The following CNTNAP2 variants were observed in gnomAD, a reference collection of about 807,000 sequenced individuals.
CNTNAP2 encodes the protein contactin associated protein 2, also known as contactin-associated protein-like 2.
A neutral mutation model predicts 155.2 loss-of-function variants in CNTNAP2; 98 were observed. The ratio of observed to expected loss-of-function variants is 0.63; its 90% CI spans 0.54 to 0.75. The LOEUF (loss-of-function observed/expected upper bound fraction) is 0.75, where lower values mean the gene tolerates loss of function less well. CNTNAP2 is among the 30% of genes least tolerant of loss of function. The pLI, the probability that CNTNAP2 is intolerant of heterozygous loss-of-function variation, is 0.00. For synonymous variants in CNTNAP2, 651 were observed against 631.2 expected, an observed-to-expected ratio of 1.03 and a Z score of -0.47; for missense variants, 1,727 against 1,688.1, an observed-to-expected ratio of 1.02 and a Z score of -0.40.
At chr7:147,718,669 AC>A (rs1452700546) in intron 13 of CNTNAP2, among the ~76,000 whole-genome samples, 2 of 152,140 alleles carry the variant, frequency 1.3e-5, no homozygotes, top group Admixed American at 1.3e-4. Context: ...TATCCTGGGT[AC>A]CATGTAAATG....
At chr7:146,430,565 A>G (rs1796160061) in intron 1 of CNTNAP2, among the ~76,000 whole-genome samples, 1 of 152,020 alleles carries the variant, frequency 6.6e-6, no homozygotes, top group Non-Finnish European at 1.5e-5. Flanking sequence ...GTGGTGTTAT[A>G]TAATGTACTC....
intron 3 of CNTNAP2, among the ~76,000 whole-genome samples, chr7:146,907,870 G>A (rs1050841472): frequency 6.6e-6 from 1 of 152,282 alleles, no homozygotes; most frequent in African/African-American, 2.4e-5. Context: ...TGGATAAAGA[G>A]TCAAGACCCA....
At chr7:148,043,444 A>G (rs1802713587) in intron 15 of CNTNAP2, among the ~76,000 whole-genome samples, 1 of 152,204 alleles carries the variant, frequency 6.6e-6, no homozygotes, top group Non-Finnish European at 1.5e-5. Flanking sequence ...TGCTCCTCAT[A>G]CAGCACTGGC....
At chr7:146,710,543 T>A (rs1205057986) in intron 1 of CNTNAP2, among the ~76,000 whole-genome samples, 3 of 152,200 alleles carry the variant, frequency 2.0e-5, no homozygotes, top group Non-Finnish European at 4.4e-5. Flanking sequence ...CTCATTAGTT[T>A]TATTTCACTT....
At chr7:148,308,525 A>AT (rs1271963432) in intron 21 of CNTNAP2, among the ~76,000 whole-genome samples, 2 of 150,610 alleles carry the variant, frequency 1.3e-5, no homozygotes, top group African/African-American at 4.9e-5. Flanking sequence ...CCTAGATTTT[A>AT]TTTTTTTCCA....
intron 2 of CNTNAP2, among the ~76,000 whole-genome samples, chr7:146,812,652 G>A (rs186635048): frequency 2.9e-3 from 446 of 152,084 alleles, no homozygotes; most frequent in African/African-American, 9.9e-3. Context: ...AGAAAAACCC[G>A]TTTTCCAGGG....
At chr7:147,130,471 A>G (rs1353573204) in intron 7 of CNTNAP2, among the ~76,000 whole-genome samples, 2 of 152,104 alleles carry the variant, frequency 1.3e-5, no homozygotes, top group Non-Finnish European at 2.9e-5. Context: ...AAAAGAATAA[A>G]AAAAGATTAT....
At chr7:146,946,268 T>C (rs1797171507) in intron 3 of CNTNAP2, among the ~76,000 whole-genome samples, 1 of 152,152 alleles carries the variant, frequency 6.6e-6, no homozygotes, top group Non-Finnish European at 1.5e-5. Context: ...TAAGGAAGCC[T>C]CGGAAAAGCT....
At chr7:146,299,854 G>C (rs140807942) in intron 1 of CNTNAP2, among the ~76,000 whole-genome samples, 1 of 152,282 alleles carries the variant, frequency 6.6e-6, no homozygotes, top group African/African-American at 2.4e-5. Context: ...GAAGGTAGGT[G>C]TAAGATTATA....
At chr7:146,587,033 ATT>A (rs34866879) in intron 1 of CNTNAP2, among the ~76,000 whole-genome samples, 8,055 of 148,462 alleles carry the variant, frequency 0.054, 554 homozygotes, top group African/African-American at 0.16. Flanking sequence ...GCATTGTTTT[ATT>A]TTTTTTTTTT....
intron 13 of CNTNAP2, among the ~76,000 whole-genome samples, chr7:147,833,792 G>A (rs928395170): frequency 1.3e-5 from 2 of 152,186 alleles, no homozygotes; most frequent in African/African-American, 2.4e-5. Flanking sequence ...GTTAGGCAAG[G>A]GGTTCTGGGA....
intron 12 of CNTNAP2, among the ~76,000 whole-genome samples, chr7:147,606,493 G>C (rs893077119): frequency 6.6e-6 from 1 of 152,004 alleles, no homozygotes; most frequent in Admixed American, 6.6e-5. Context: ...TGTCTATTTG[G>C]GTTTCAGGTG....
At chr7:147,428,383 A>G (rs1336571462) in intron 10 of CNTNAP2, among the ~76,000 whole-genome samples, 3 of 152,102 alleles carry the variant, frequency 2.0e-5, no homozygotes, top group Non-Finnish European at 4.4e-5. Flanking sequence ...TTTTTCATCT[A>G]GACAGTGTAA....
intron 9 of CNTNAP2, among the ~76,000 whole-genome samples, chr7:147,310,038 C>T (rs6959535): frequency 0.24 from 36,516 of 151,926 alleles, 4,623 homozygotes; most frequent in Middle Eastern, 0.29. Flanking sequence ...TGAAATTGAA[C>T]ATATTAACCT....
chr7:148,173,188 T>C (rs1794859788), intron 18 of CNTNAP2, among the ~76,000 whole-genome samples: 1 of 152,238 alleles, frequency 6.6e-6, no homozygotes, highest in East Asian at 1.9e-4. Flanking sequence ...TCATTTGAAC[T>C]ATACCCTGTG....
At chr7:147,395,090 T>C (rs1256059733) in intron 9 of CNTNAP2, among the ~76,000 whole-genome samples, 3 of 152,020 alleles carry the variant, frequency 2.0e-5, no homozygotes. Flanking sequence ...CAAATATCTC[T>C]TTGTAATGAG....
chr7:147,639,359 A>C, intron 13 of CNTNAP2, 53 bp downstream of exon 13: 6 of 1,550,554 alleles, frequency 3.9e-6, no homozygotes, highest in Non-Finnish European at 5.3e-6. Context: ...TGGTGCTTAG[A>C]ATTGCCTAAA....
At chr7:146,518,292 T>G (rs1797570134) in intron 1 of CNTNAP2, among the ~76,000 whole-genome samples, 1 of 151,832 alleles carries the variant, frequency 6.6e-6, no homozygotes, top group African/African-American at 2.4e-5. Context: ...TCAGATGATA[T>G]TTGATAATTG....
At chr7:147,410,109 C>T (rs1284785904) in intron 10 of CNTNAP2, among the ~76,000 whole-genome samples, 2 of 152,180 alleles carry the variant, frequency 1.3e-5, no homozygotes, top group Non-Finnish European at 1.5e-5. Flanking sequence ...TGCAGACATT[C>T]ATTGCAGCCC....
Sources: allele counts gnomAD v4.1 joint callset (sites outside exome capture counted in the v4.1 genomes callset), GRCh38; gene constraint gnomAD v4.1.1; transcripts MANE v1.5; gene names NCBI Gene and HGNC (gene_info 2026-07-23, HGNC 2026-07-21).